CPLX1: variants seen among roughly 807,000 people sequenced by gnomAD.
CPLX1 encodes complexin-1.
CPLX1 carries 6 observed loss-of-function variants against 15.6 expected under a neutral mutation model. The ratio of observed to expected loss-of-function variants is 0.39; its 90% CI spans 0.21 to 0.76. The LOEUF is 0.76. Among genes scored for constraint, CPLX1 ranks in the 30% least tolerant of loss-of-function variants. The probability of loss-of-function intolerance (pLI) is 0.43; values close to 1 mark genes in which losing one functional copy is unlikely to be tolerated. For synonymous variants in CPLX1, 91 were observed against 75.2 expected, an observed-to-expected ratio of 1.21 and a Z score of -1.08; for missense variants, 242 against 188.6, an observed-to-expected ratio of 1.28 and a Z score of -1.66.
intron 2 of CPLX1, among the ~76,000 whole-genome samples, chr4:809,849 C>T (rs28504502): frequency 0.063 from 9,288 of 146,548 alleles, 405 homozygotes; most frequent in South Asian, 0.16. Flanking sequence ...ACACACAATA[C>T]GTGGTATCTG....
intron 2 of CPLX1, among the ~76,000 whole-genome samples, chr4:803,217 C>T (rs1019086970): frequency 4.6e-5 from 7 of 152,170 alleles, no homozygotes; most frequent in African/African-American, 1.7e-4. Context: ...GCAGTAAGAC[C>T]GAGGGCATGA....
intron 2 of CPLX1, among the ~76,000 whole-genome samples, chr4:823,881 A>C (rs1034790697): frequency 5.3e-5 from 8 of 152,248 alleles, no homozygotes; most frequent in African/African-American, 1.9e-4. Flanking sequence ...CACACAAAAA[A>C]GGCTGCACGT....
chr4:790,808 C>T (rs1382063931), intron 3 of CPLX1, among the ~76,000 whole-genome samples: 1 of 152,154 alleles, frequency 6.6e-6, no homozygotes, highest in Admixed American at 6.5e-5. Context: ...AGCGTCAGCT[C>T]TCTCTAGCTC....
chr4:787,871 G>C (rs1746049216), intron 3 of CPLX1: 5 of 985,440 alleles, frequency 5.1e-6, no homozygotes, highest in Non-Finnish European at 6.0e-6. Context: ...AGGAAGGTGG[G>C]AACCAGTGGG....
At chr4:787,323 C>T (rs3816680) in intron 3 of CPLX1, 55,726 of 985,358 alleles carry the variant, frequency 0.057, 1,723 homozygotes, top group East Asian at 0.11. Flanking sequence ...GCCTGGGCCT[C>T]ACCGACCCCC....
chr4:813,122 G>A (rs1012330685), intron 2 of CPLX1, among the ~76,000 whole-genome samples: 32 of 151,996 alleles, frequency 2.1e-4, no homozygotes, highest in African/African-American at 7.7e-4. Flanking sequence ...AAAATTAGCT[G>A]GGTGTGGTGG....
chr4:824,944 AGT>A, intron 1 of CPLX1: 1 of 367,824 alleles, frequency 2.7e-6, no homozygotes, highest in Non-Finnish European at 5.3e-6. Flanking sequence ...TCTGCAGCTC[AGT>A]GTCTGGAGCG....
chr4:798,272 CAAAAA>C (rs35668656), intron 2 of CPLX1, among the ~76,000 whole-genome samples: 2 of 75,492 alleles, frequency 2.6e-5, no homozygotes, highest in African/African-American at 4.6e-5. Flanking sequence ...GACTCCGTCT[CAAAAA>C]AAAAAAAAAA....
chr4:810,296 G>A (rs769887676), intron 2 of CPLX1, among the ~76,000 whole-genome samples: 12 of 152,062 alleles, frequency 7.9e-5, no homozygotes, highest in South Asian at 2.1e-4. Context: ...TGATCCACCC[G>A]CCTCGGCCTC....
intron 3 of CPLX1, among the ~76,000 whole-genome samples, chr4:791,726 C>T (rs1484363794): frequency 6.6e-6 from 1 of 152,212 alleles, no homozygotes; most frequent in Non-Finnish European, 1.5e-5. Context: ...CGGCCCCTAC[C>T]CTCGGGGCCA....
intron 1 of CPLX1, among the ~76,000 whole-genome samples, chr4:825,624 G>A (rs2152649484): frequency 6.6e-6 from 1 of 151,998 alleles, no homozygotes; most frequent in East Asian, 2.0e-4. Context: ...GGCGAGGGAG[G>A]AGAGGGGGAG....
chr4:813,554 A>G (rs2152647376), intron 2 of CPLX1, among the ~76,000 whole-genome samples: 1 of 152,314 alleles, frequency 6.6e-6, no homozygotes, highest in East Asian at 1.9e-4. Context: ...ATGAGATATC[A>G]AGAAATCATT....
chr4:792,548 G>T lies in CPLX1; in HGVS notation c.92C>A (p.Ala31Asp). ...CTCCTGCCGCTCCTCCTCCTTCTTG[G>T]CGGCGTCTGGGTCCTTCTCCTCGTC... ...GGDEEKDPDA[A>D]KKEEERQEAL... The change falls in exon 3 of 4, where the codon GCC becomes GAC. Residue 31 changes from alanine (A) to aspartate (D), a missense_variant. Transcript: ENST00000304062. The T allele has an allele frequency of 8.1e-6, 13 of 1,613,246 alleles. No individual in the cohort carries two copies. The highest frequency in any genetic ancestry group is 1.1e-5 in the Non-Finnish European group (13 of 1,179,666).
At chr4:798,550 C>A (rs1241648340) in intron 2 of CPLX1, among the ~76,000 whole-genome samples, 1 of 152,094 alleles carries the variant, frequency 6.6e-6, no homozygotes, top group Non-Finnish European at 1.5e-5. Flanking sequence ...TGCCACCATG[C>A]CCAGCTAATT....
At chr4:822,206 CTCTA>C (rs1460619504) in intron 2 of CPLX1, among the ~76,000 whole-genome samples, 1 of 151,410 alleles carries the variant, frequency 6.6e-6, no homozygotes, top group Admixed American at 6.6e-5. Context: ...CTGTCTCCAT[CTCTA>C]TCTCTCTAAC....
intron 2 of CPLX1, among the ~76,000 whole-genome samples, chr4:807,537 C>T (rs562625874): frequency 4.7e-4 from 71 of 151,956 alleles, no homozygotes; most frequent in African/African-American, 1.6e-3. Flanking sequence ...TGCAGTGGCA[C>T]AATCTCGGCT....
At chr4:787,664 A>G (rs762096230) in intron 3 of CPLX1, 2 of 983,116 alleles carry the variant, frequency 2.0e-6, no homozygotes, top group Non-Finnish European at 2.4e-6. Flanking sequence ...GCCCTCCCCC[A>G]GAGCCTCCAG....
intron 3 of CPLX1, 54 bp from the exon 4 acceptor site, chr4:786,752 G>A: frequency 1.3e-6 from 2 of 1,533,268 alleles, no homozygotes; most frequent in East Asian, 2.3e-5. Flanking sequence ...CGGGCGGGCC[G>A]CAGCCTCCCT....
At chr4:799,104 C>T (rs1365647363) in intron 2 of CPLX1, among the ~76,000 whole-genome samples, 1 of 152,206 alleles carries the variant, frequency 6.6e-6, no homozygotes, top group Non-Finnish European at 1.5e-5. Flanking sequence ...TCTCTCTGAC[C>T]TTCTGCCCTC....
Sources: gnomAD v4.1 joint callset for allele counts (sites outside exome capture counted in the v4.1 genomes callset) on GRCh38, gnomAD v4.1.1 for gene constraint, MANE v1.5 for transcripts, NCBI Gene and HGNC (gene_info 2026-07-23, HGNC 2026-07-21) for gene names.